The following ADAMTS16 variants were observed in gnomAD, a reference collection of about 807,000 sequenced individuals.
ADAMTS16 encodes A disintegrin and metalloproteinase with thrombospondin motifs 16.
A neutral mutation model predicts 145.8 loss-of-function variants in ADAMTS16; 94 were observed. The observed-to-expected ratio is 0.64, with a 90% CI of 0.55 to 0.77. The LOEUF is 0.77. Among genes scored for constraint, ADAMTS16 ranks in the 30% least tolerant of loss-of-function variants. ADAMTS16 has a pLI of 0.00. For synonymous variants in ADAMTS16, 659 were observed against 604.3 expected (o/e 1.09, Z -1.33); for missense variants, 1,585 against 1,591.5 (o/e 1.00, Z 0.07).
At chr5:5,186,373 A>G (rs1187783895) in intron 5 of ADAMTS16, 122 bp downstream of exon 5, 1 of 884,252 alleles carries the variant, frequency 1.1e-6, no homozygotes, top group Non-Finnish European at 1.7e-6. Context: ...GATGTTCCAT[A>G]TATGAGAAAT....
In ADAMTS16 at chr5:5,310,042, C is replaced by A. The variant is rs1177628621; in HGVS notation, c.3411+3314C>A. ...TGACCTGCCAGTGGGGCAAAACCCA[C>A]CATAGGCCACTCCGCAGGCAGAGGA... On this transcript the variant is annotated intron_variant, in intron 21 of 22. Coordinates refer to ENST00000274181, the MANE Select transcript of ADAMTS16 (RefSeq NM_139056.4). This position sits in a 1 kb window ranked among gnomAD's most constrained non-coding sequence, Gnocchi z 4.3. Among the ~76,000 whole-genome samples the A allele has an allele frequency of 6.6e-6, 1 of 152,150 alleles. No homozygotes were observed. Among genetic ancestry groups the A allele is most frequent in the Non-Finnish European group, 1.5e-5 (1 of 68,000 alleles).
chr5:5,318,302 A>C (rs118017379), intron 22 of ADAMTS16, 21 bp downstream of exon 22: 14,227 of 1,417,248 alleles, frequency 0.01, 238 homozygotes, highest in East Asian at 0.046. Flanking sequence ...GGGGCCCCTC[A>C]GCATGACCTG....
At chr5:5,295,507 G>C (rs1739495935) in intron 18 of ADAMTS16, among the ~76,000 whole-genome samples, 1 of 152,234 alleles carries the variant, frequency 6.6e-6, no homozygotes, top group African/African-American at 2.4e-5. Flanking sequence ...GCAGCAGAAG[G>C]ATGCTGACAT....
intron 17 of ADAMTS16, among the ~76,000 whole-genome samples, chr5:5,249,905 G>A (rs1241182808): frequency 1.3e-5 from 2 of 152,184 alleles, no homozygotes; most frequent in Non-Finnish European, 2.9e-5. Context: ...TGGAAAGGGG[G>A]TGGAGTGGGA....
At chr5:5,303,988 A>G (rs193266624) in intron 20 of ADAMTS16, among the ~76,000 whole-genome samples, 94 of 152,276 alleles carry the variant, frequency 6.2e-4, no homozygotes, top group African/African-American at 2.1e-3. Context: ...CGTCCACGTC[A>G]TCATCACTGG....
At chr5:5,208,022 A>AAG (rs1246424677) in intron 9 of ADAMTS16, among the ~76,000 whole-genome samples, 2 of 152,196 alleles carry the variant, frequency 1.3e-5, no homozygotes, top group African/African-American at 4.8e-5. Context: ...GTATTAGGAT[A>AAG]ATGCTGACCT....
intron 11 of ADAMTS16, among the ~76,000 whole-genome samples, chr5:5,224,948 G>C (rs145659135): frequency 6.6e-6 from 1 of 151,864 alleles, no homozygotes; most frequent in Non-Finnish European, 1.5e-5. Flanking sequence ...TATCTCAAAG[G>C]CACCATTAAA....
At chr5:5,242,902 G>A (rs771038903) in intron 17 of ADAMTS16, among the ~76,000 whole-genome samples, 1 of 152,150 alleles carries the variant, frequency 6.6e-6, no homozygotes, top group Non-Finnish European at 1.5e-5. Flanking sequence ...AATTCTATCT[G>A]ATATGTATAA....
chr5:5,143,737 C>T (rs763575053), intron 2 of ADAMTS16, among the ~76,000 whole-genome samples: 8 of 152,066 alleles, frequency 5.3e-5, no homozygotes, highest in Admixed American at 3.3e-4. Context: ...CCCAAATGCC[C>T]GTCAATGAGA....
Position 5,232,499 on chromosome 5 carries a change from C to T in ADAMTS16, c.1833C>T (p.Arg611=), listed in dbSNP as rs1438866229. ...GAGGGGGAGTATCTCATAGGAGTCG[C>T]CTCTGCACCAACCCCAAGTAAGTAT... ...TCGGGVSHRS[R]LCTNPKPSHG... Residue 611 remains arginine (R), a synonymous_variant, in exon 12 of 23, where the codon CGC becomes CGT. Coordinates refer to ENST00000274181, the MANE Select transcript of ADAMTS16 (RefSeq NM_139056.4). 6.2e-7 allele frequency: 1 copy of T among 1,613,600 alleles called. No individual in the cohort carries two copies. The highest frequency in any genetic ancestry group is 1.7e-5 in the Admixed American group (1 of 59,994).
rs566101516 is a variant in ADAMTS16 at position 5,151,782 on chromosome 5, A to G, written c.501+5327A>G. Reference sequence around the variant, plus strand: ...TACTCTTTAATCAAATTTTCAGTATACAATACAGTATTATTAAGTATAGTC... The same window carrying G: ...TACTCTTTAATCAAATTTTCAGTATGCAATACAGTATTATTAAGTATAGTC... On this transcript the variant is annotated intron_variant, in intron 3 of 22. Transcript: ENST00000274181. Among the ~76,000 whole-genome samples, 23 of 151,918 alleles carry G rather than the reference A, an allele frequency of 1.5e-4. No homozygotes were observed. In the South Asian group the frequency reaches 4.6e-3, roughly 30 times the overall value.
chr5:5,300,323 C>T (rs762243171), intron 18 of ADAMTS16, among the ~76,000 whole-genome samples: 1 of 151,892 alleles, frequency 6.6e-6, no homozygotes, highest in Non-Finnish European at 1.5e-5. Flanking sequence ...TTATCACAGA[C>T]GGGAAGCCAA....
Position 5,319,492 on chromosome 5 carries a change from G to A in ADAMTS16, c.*354G>A, listed in dbSNP as rs1161076878. On this transcript the variant is annotated 3_prime_UTR_variant, in exon 23 of 23. Coordinates refer to ENST00000274181, the MANE Select transcript of ADAMTS16 (RefSeq NM_139056.4). ...ACAGGCGAGGCTGAACTTGCTAAAT[G>A]TCTGGTGCCTTAGAAAAAGAAGGAA... is the stretch of plus-strand genomic sequence containing the variant. 6.5e-6 allele frequency: 2 copies of A among 309,898 alleles called. No homozygotes were observed. Among genetic ancestry groups the A allele is most frequent in the African/African-American group, 4.4e-5 (2 of 45,618 alleles). 19.2% of individuals were successfully genotyped at this position (309,898 alleles called of 1,614,324 possible). A position where few individuals can be genotyped will look rare whatever the true frequency, so the allele number is the denominator to read the frequency against.
At chr5:5,299,986 A>G (rs1739705525) in intron 18 of ADAMTS16, among the ~76,000 whole-genome samples, 1 of 152,226 alleles carries the variant, frequency 6.6e-6, no homozygotes, top group South Asian at 2.1e-4. Flanking sequence ...TTTTAAACAA[A>G]ACAGACACTT....
rs569190794 is a variant in ADAMTS16, at chr5:5,202,689, T to G, written c.1451+2420T>G. Among the ~76,000 whole-genome samples the G allele has an allele frequency of 9.6e-4, 146 of 152,204 alleles. 2 individuals carry two copies. The highest frequency in any genetic ancestry group is 3.8e-4 in the Non-Finnish European group (26 of 68,032). On this transcript the variant is annotated intron_variant, in intron 9 of 22. Coordinates refer to ENST00000274181, the MANE Select transcript of ADAMTS16 (RefSeq NM_139056.4). Reference sequence around the variant, plus strand: ...TTCTATAGTTTTCTAGATTCAGAATTTTTTAAACCTCTTTTTCATCTTAAT... The same window carrying G: ...TTCTATAGTTTTCTAGATTCAGAATGTTTTAAACCTCTTTTTCATCTTAAT...
chr5:5,212,192 T>TTC (rs1736289438), intron 10 of ADAMTS16, among the ~76,000 whole-genome samples: 1 of 106,264 alleles, frequency 9.4e-6, no homozygotes, highest in Non-Finnish European at 2.2e-5. Flanking sequence ...TTTCTGGGGT[T>TTC]TTTTTTGTTT....
At chr5:5,151,833 A>C (rs182188472) in intron 3 of ADAMTS16, among the ~76,000 whole-genome samples, 83 of 152,004 alleles carry the variant, frequency 5.5e-4, no homozygotes, top group Non-Finnish European at 1.0e-3. Context: ...AGGTCTTTAT[A>C]CTTATTCATC....
chr5:5,196,810 T>C (rs1333663416), intron 8 of ADAMTS16, among the ~76,000 whole-genome samples: 4 of 152,204 alleles, frequency 2.6e-5, no homozygotes, highest in African/African-American at 4.8e-5. Flanking sequence ...AGGAAGGTTT[T>C]ACTATCCCAT....
intron 18 of ADAMTS16, among the ~76,000 whole-genome samples, chr5:5,299,757 A>C (rs6555353): frequency 0.74 from 112,274 of 151,994 alleles, 41,892 homozygotes; most frequent in South Asian, 0.82. Flanking sequence ...AGAGTCCCGC[A>C]GTGGAAACTG....
Sources: allele counts gnomAD v4.1 joint callset (sites outside exome capture counted in the v4.1 genomes callset), GRCh38; gene constraint gnomAD v4.1.1; non-coding constraint Gnocchi (gnomAD v3.1); transcripts MANE v1.5; gene names NCBI Gene and HGNC (gene_info 2026-07-23, HGNC 2026-07-21).